The following CWF19L1 variants were observed in gnomAD, a reference collection of about 807,000 sequenced individuals.
CWF19L1 encodes the protein CWF19-like protein 1.
CWF19L1 carries 60 observed loss-of-function variants against 69.7 expected under a neutral mutation model. That is an observed-to-expected ratio of 0.86 (90% CI 0.70 to 1.07). The LOEUF (loss-of-function observed/expected upper bound fraction) is 1.07. Among genes scored for constraint, CWF19L1 ranks in the 50% least tolerant of loss-of-function variants. The probability of loss-of-function intolerance (pLI) is 0.00; values close to 1 mark genes in which losing one functional copy is unlikely to be tolerated. For synonymous variants in CWF19L1, 209 were observed against 222.2 expected (o/e 0.94, Z 0.53); for missense variants, 591 against 638.9 (o/e 0.92, Z 0.81).
At chr10:100,234,606 G>A (rs886756361) in intron 13 of CWF19L1, among the ~76,000 whole-genome samples, 14 of 152,108 alleles carry the variant, frequency 9.2e-5, no homozygotes, top group African/African-American at 3.4e-4. Flanking sequence ...ATCTAAGGGG[G>A]CAATCTCTTG....
At chr10:100,236,804 A>G (rs1414516698) in intron 12 of CWF19L1, 46 bp downstream of exon 12, 1 of 1,538,802 alleles carries the variant, frequency 6.5e-7, no homozygotes, top group Non-Finnish European at 8.7e-7. Flanking sequence ...ACAACAAAAA[A>G]AACAGATATT....
intron 10 of CWF19L1, among the ~76,000 whole-genome samples, chr10:100,242,036 G>C (rs17668309): frequency 0.062 from 9,495 of 152,220 alleles, 339 homozygotes; most frequent in African/African-American, 0.095. Flanking sequence ...GGAAATCAGA[G>C]TCAAACACTG....
At chr10:100,235,566 G>T in intron 13 of CWF19L1, 101 bp downstream of exon 13, 1 of 752,368 alleles carries the variant, frequency 1.3e-6, no homozygotes, top group Non-Finnish European at 2.2e-6. Context: ...TCTGGGGCAA[G>T]GACTGTTTAC....
In CWF19L1 at chr10:100,248,390, T is replaced by A. The variant is rs1385562406; in HGVS notation, c.709-1455A>T. ...GAGCTGTCATCTTTGACCGATTCCA[T>A]GGAGTACAGAACACTGTGGTACGGG... On this transcript the variant is annotated intron_variant, in intron 7 of 13. Coordinates refer to ENST00000354105, the MANE Select transcript of CWF19L1 (RefSeq NM_018294.6). The A allele has an allele frequency of 2.1e-5, 16 of 773,084 alleles. No homozygotes were observed. The Admixed American group carries it at 2.5e-4, about 12-fold the overall frequency. The allele number at this position is 773,084 out of a possible 1,614,324, so 47.9% of individuals were successfully genotyped here. A position where few individuals can be genotyped will look rare whatever the true frequency, so the allele number is the denominator to read the frequency against.
At chr10:100,238,382 G>C in intron 10 of CWF19L1, 151 bp from the exon 11 acceptor site, 2 of 669,848 alleles carry the variant, frequency 3.0e-6, no homozygotes, top group Non-Finnish European at 2.5e-6. Flanking sequence ...TCTGATTTTA[G>C]AGATTGTAGC....
chr10:100,253,572 C>A, intron 5 of CWF19L1, 33 bp from the exon 6 acceptor site: 2 of 1,200,388 alleles, frequency 1.7e-6, no homozygotes, highest in Middle Eastern at 3.8e-4. Flanking sequence ...TCCATACAGA[C>A]CAAAAGTTAT....
chr10:100,253,532 A>T lies in CWF19L1; in HGVS notation c.512T>A (p.Val171Glu), dbSNP rs756511797. 4.4e-6 allele frequency: 7 copies of T among 1,607,792 alleles called. 1 individual carries two copies. The highest frequency in any genetic ancestry group is 6.0e-6 in the Non-Finnish European group (7 of 1,174,518). Residue 171 changes from valine (V) to glutamate (E), a missense_variant, in exon 6 of 14, where the codon GTG becomes GAG. Val to Glu is a moderately radical substitution (Grantham distance 121). Transcript: ENST00000354105. ...VGNFGNSSGE[V>E]DTKKCGSALV... ...AGCAGAACCACATTTTTTGGTATCC[A>T]CTTCTCCCTAGTAAACAAAAACTTA...
intron 5 of CWF19L1, chr10:100,254,527 A>G (rs1295889940): frequency 6.6e-6 from 1 of 152,170 alleles, no homozygotes; most frequent in Admixed American, 6.5e-5. Flanking sequence ...ATAAGCTAAC[A>G]AAGTTTGTTT....
intron 11 of CWF19L1, among the ~76,000 whole-genome samples, chr10:100,237,803 C>T (rs567894174): frequency 1.3e-5 from 2 of 151,960 alleles, no homozygotes; most frequent in African/African-American, 2.4e-5. Context: ...TGCACCACCA[C>T]GCCCAGCTAA....
At chr10:100,250,379 G>C in intron 6 of CWF19L1, 47 bp from the exon 7 acceptor site, 1 of 1,212,846 alleles carries the variant, frequency 8.2e-7, no homozygotes, top group South Asian at 1.2e-5. Flanking sequence ...TTTTACTTTT[G>C]ATTTGCAATG....
chr10:100,254,348 T>A (rs565636705), intron 5 of CWF19L1: 1 of 152,310 alleles, frequency 6.6e-6, no homozygotes, highest in South Asian at 2.1e-4. Context: ...GTCAAGGAAG[T>A]GGCAGTTTGA....
chr10:100,262,147 G>T, intron 1 of CWF19L1, 84 bp from the exon 2 acceptor site: 1 of 1,516,760 alleles, frequency 6.6e-7, no homozygotes, highest in Non-Finnish European at 8.8e-7. Flanking sequence ...TTTTGGATTA[G>T]ATAGATACAT....
At chr10:100,255,130 A>C (rs1168656633) in intron 5 of CWF19L1, among the ~76,000 whole-genome samples, 1 of 152,142 alleles carries the variant, frequency 6.6e-6, no homozygotes, top group Non-Finnish European at 1.5e-5. Flanking sequence ...ACCTTTTCAA[A>C]ATCTTCCTTA....
At chr10:100,234,950 CTG>C (rs1381916576) in intron 13 of CWF19L1, among the ~76,000 whole-genome samples, 2 of 152,220 alleles carry the variant, frequency 1.3e-5, no homozygotes, top group Non-Finnish European at 2.9e-5. Flanking sequence ...GAACCTACCA[CTG>C]TGTGACTAGG....
intron 10 of CWF19L1, among the ~76,000 whole-genome samples, 174 bp from the exon 11 acceptor site, chr10:100,238,405 AG>A: frequency 6.6e-6 from 1 of 152,248 alleles, no homozygotes; most frequent in African/African-American, 2.4e-5. Flanking sequence ...CAATGTTCTC[AG>A]GTATCCGCTG....
rs1847355971 is a variant in CWF19L1 at position 100,260,305 on chromosome 10, A to G, written c.202T>C (p.Tyr68His). 1.2e-6 allele frequency: 2 copies of G among 1,604,738 alleles called. No homozygotes were observed. Among genetic ancestry groups the G allele is most frequent in the Non-Finnish European group, 1.7e-6 (2 of 1,172,078 alleles). ...TCCTGGTTATTAGCACCAAGCACAT[A>G]TGTCTGAATAGGAGCTAGTGAGGGA... Reference protein sequence around the residue: ...TGIKKAPIQTYVLGANNQETV... With the variant: ...TGIKKAPIQTHVLGANNQETV... Residue 68 changes from tyrosine to histidine, a missense_variant, in exon 4 of 14, where the codon TAT becomes CAT. Physicochemically the swap from Tyr to His is moderately conservative, Grantham distance 83 (BLOSUM62 2). Coordinates refer to ENST00000354105, the MANE Select transcript of CWF19L1 (RefSeq NM_018294.6).
At chr10:100,266,581 G>A (rs935409997) in intron 1 of CWF19L1, among the ~76,000 whole-genome samples, 1 of 151,128 alleles carries the variant, frequency 6.6e-6, no homozygotes, top group African/African-American at 2.4e-5. Flanking sequence ...GAGGTGCAGT[G>A]TCGGCTCACT....
At chr10:100,257,025 T>G (rs1847234965) in intron 4 of CWF19L1, among the ~76,000 whole-genome samples, 1 of 152,118 alleles carries the variant, frequency 6.6e-6, no homozygotes, top group South Asian at 2.1e-4. Flanking sequence ...AAAGAACAAG[T>G]GTTTAGGAAA....
chr10:100,248,470 G>T, intron 7 of CWF19L1: 2 of 679,144 alleles, frequency 2.9e-6, no homozygotes, highest in Non-Finnish European at 5.4e-6. Context: ...TTTGACTGCT[G>T]TTCTTGACCA....
Sources: allele counts gnomAD v4.1 joint callset (sites outside exome capture counted in the v4.1 genomes callset), GRCh38; gene constraint gnomAD v4.1.1; transcripts MANE v1.5; gene names NCBI Gene and HGNC (gene_info 2026-07-23, HGNC 2026-07-21).